The following GNS variants were observed in gnomAD, a reference collection of about 807,000 sequenced individuals.
GNS encodes glucosamine (N-acetyl)-6-sulfatase, also known as N-acetylglucosamine-6-sulfatase.
In GNS, 40 loss-of-function variants were observed where a neutral mutation model predicts 69.7. The observed-to-expected ratio is 0.57, with a 90% CI of 0.45 to 0.75. The LOEUF is 0.75. Ranked by LOEUF, GNS falls within the 30% of genes least tolerant of loss-of-function variation. The pLI, the probability that GNS is intolerant of heterozygous loss-of-function variation, is 0.00. For synonymous variants in GNS, 243 were observed against 251.6 expected (o/e 0.97, Z 0.32); for missense variants, 565 against 685.5 (o/e 0.82, Z 1.96).
At chr12:64,728,384 C>G (rs1565882300) in intron 10 of GNS, among the ~76,000 whole-genome samples, 2 of 152,226 alleles carry the variant, frequency 1.3e-5, no homozygotes, top group Non-Finnish European at 2.9e-5. Flanking sequence ...GACATGTGTT[C>G]TCTGAAGTGG....
intron 1 of GNS, among the ~76,000 whole-genome samples, chr12:64,756,994 C>T (rs1870272135): frequency 6.6e-6 from 1 of 152,140 alleles, no homozygotes; most frequent in African/African-American, 2.4e-5. Flanking sequence ...ACTTGGGCAA[C>T]ATGGAGAAAT....
At chr12:64,751,761 C>A (rs186736960) in intron 2 of GNS, among the ~76,000 whole-genome samples, 77 of 151,778 alleles carry the variant, frequency 5.1e-4, no homozygotes, top group African/African-American at 1.8e-3. Context: ...CCGAGGCGGG[C>A]AGATCACTTG....
In GNS at chr12:64,714,786, A is replaced by T. The variant is rs1445909787; in HGVS notation, c.*1955T>A. Reference sequence around the variant, plus strand: ...CTATGGTCAACTTTCATTAATGTGGAAGTTGACTGATAATGTTAAGAGTCA... The same window carrying T: ...CTATGGTCAACTTTCATTAATGTGGTAGTTGACTGATAATGTTAAGAGTCA... On this transcript the variant is annotated 3_prime_UTR_variant, in exon 14 of 14. Transcript: ENST00000258145. The T allele has an allele frequency of 6.6e-6, 1 of 152,444 alleles. No homozygotes were observed. Among genetic ancestry groups the T allele is most frequent in the Non-Finnish European group, 1.5e-5 (1 of 68,038 alleles). 9.4% of individuals were successfully genotyped at this position (152,444 alleles called of 1,614,324 possible).
chr12:64,742,071 A>G (rs1869755755), intron 6 of GNS, among the ~76,000 whole-genome samples: 1 of 151,974 alleles, frequency 6.6e-6, no homozygotes, highest in African/African-American at 2.4e-5. Flanking sequence ...CCCAGGCTGG[A>G]GTGCAGTGGT....
chr12:64,752,288 A>C (rs1337308891), intron 2 of GNS, among the ~76,000 whole-genome samples: 1 of 152,216 alleles, frequency 6.6e-6, no homozygotes, highest in Non-Finnish European at 1.5e-5. Context: ...ATGGTTCTTG[A>C]AAATGAATTG....
intron 10 of GNS, among the ~76,000 whole-genome samples, chr12:64,728,100 T>C (rs1412742719): frequency 2.6e-5 from 4 of 152,114 alleles, no homozygotes; most frequent in Non-Finnish European, 5.9e-5. Flanking sequence ...GTTTTTTGTA[T>C]TTTTAGTAGA....
In GNS at chr12:64,747,859, T is replaced by C. The variant is rs376950204; in HGVS notation, c.312A>G (p.Pro104=). 3 of 1,610,884 alleles carry C rather than the reference T, an allele frequency of 1.9e-6. No individual in the cohort carries two copies. The highest frequency in any genetic ancestry group is 2.5e-6 in the Non-Finnish European group (3 of 1,177,166). ...TGTTGTTCACAACGTGATGATTATG[T>C]GGGTACTTTCCTGTCAGGATACTGG... The part of the protein sequence containing the change: ...SRASILTGKY[P]HNHHVVNNTL... The change falls in exon 3 of 14, where the codon CCA becomes CCG. Residue 104 remains proline, a synonymous_variant. Coordinates refer to ENST00000258145, the MANE Select transcript of GNS (RefSeq NM_002076.4).
chr12:64,757,570 G>A (rs1369769371), intron 1 of GNS, among the ~76,000 whole-genome samples: 4 of 152,156 alleles, frequency 2.6e-5, no homozygotes, highest in African/African-American at 9.7e-5. Flanking sequence ...ATATATGGCA[G>A]GAAGAAATGT....
rs778325313 is a variant in GNS, at chr12:64,745,744, G to C, written c.460-20C>G. On this transcript the variant is annotated intron_variant, in intron 3 of 13. Transcript: ENST00000258145. ...TCCGTACTGAAAAGCAAAACAAGTA[G>C]GGACAATTACAAGTCCTTAGATATG... 2.0e-6 allele frequency: 3 copies of C among 1,513,944 alleles called. No homozygotes were observed. Among genetic ancestry groups the C allele is most frequent in the East Asian group, 2.3e-5 (1 of 44,406 alleles). 93.8% of individuals were successfully genotyped at this position (1,513,944 alleles called of 1,614,324 possible). A position where few individuals can be genotyped will look rare whatever the true frequency, so the allele number is the denominator to read the frequency against.
rs1379598199 is a variant in GNS, at chr12:64,754,092, T to G, written c.193-1335A>C. The stretch of plus-strand genomic sequence containing the variant: ...AAATATGTAAAATTATGAAAGAATA[T>G]CTGATTTACAGTAAGACTGTGTAAT... On this transcript the variant is annotated intron_variant, in intron 1 of 13. Coordinates refer to ENST00000258145, the MANE Select transcript of GNS (RefSeq NM_002076.4). 2.6e-5 allele frequency among the ~76,000 whole-genome samples: 4 copies of G among 152,324 alleles called. No individual in the cohort carries two copies. The East Asian group carries it at 7.7e-4, about 29-fold the overall frequency.
chr12:64,756,550 G>A, intron 1 of GNS: 1 of 581,662 alleles, frequency 1.7e-6, no homozygotes, highest in Non-Finnish European at 3.0e-6. Context: ...TTAGCTATAT[G>A]AACTTAGTCA....
At chr12:64,722,755 G>T in intron 11 of GNS, 1 of 463,792 alleles carries the variant, frequency 2.2e-6, no homozygotes. Context: ...AAGAGGAATT[G>T]ATAAGAACAC....
At chr12:64,749,872 A>C (rs1011812386) in intron 2 of GNS, among the ~76,000 whole-genome samples, 2 of 131,256 alleles carry the variant, frequency 1.5e-5, no homozygotes, top group African/African-American at 6.0e-5. Context: ...CTGGTAGAGC[A>C]ATTTTTTTTT....
chr12:64,716,586 A>C lies in GNS; in HGVS notation c.*155T>G. On this transcript the variant is annotated 3_prime_UTR_variant, in exon 14 of 14. Coordinates refer to ENST00000258145, the MANE Select transcript of GNS (RefSeq NM_002076.4). Reference sequence around the variant, plus strand: ...CACAGTTTAACACATTGCACGAGGAAGTCAGCTGACTGGGTTGCTTTTTCA... The same window carrying C: ...CACAGTTTAACACATTGCACGAGGACGTCAGCTGACTGGGTTGCTTTTTCA... The C allele has an allele frequency of 2.9e-6, 2 of 681,798 alleles. No homozygotes were observed. The highest frequency in any genetic ancestry group is 5.4e-6 in the Non-Finnish European group (2 of 370,516). The allele number at this position is 681,798 out of a possible 1,614,324, so 42.2% of individuals were successfully genotyped here.
intron 8 of GNS, among the ~76,000 whole-genome samples, chr12:64,738,327 T>C (rs890544600): frequency 6.6e-6 from 1 of 152,178 alleles, no homozygotes; most frequent in African/African-American, 2.4e-5. Flanking sequence ...TCTTGATACA[T>C]AATAACCAGA....
At chr12:64,740,534 G>T in intron 7 of GNS, 72 bp downstream of exon 7, 1 of 829,536 alleles carries the variant, frequency 1.2e-6, no homozygotes, top group Non-Finnish European at 2.2e-6. Flanking sequence ...AATGTGGTGT[G>T]GTCTCCTCTT....
intron 9 of GNS, among the ~76,000 whole-genome samples, chr12:64,731,597 A>C (rs1473084827): frequency 1.3e-5 from 2 of 152,218 alleles, no homozygotes; most frequent in African/African-American, 4.8e-5. Flanking sequence ...CAAAATTAGC[A>C]TACTATATCA....
intron 1 of GNS, among the ~76,000 whole-genome samples, chr12:64,753,521 G>T (rs1870146648): frequency 6.6e-6 from 1 of 152,160 alleles, no homozygotes; most frequent in Admixed American, 6.5e-5. Flanking sequence ...CACCATTGAA[G>T]AGGTCATTTT....
rs1477851435 is a variant in GNS at position 64,715,810 on chromosome 12, C to A, written c.*931G>T. The A allele has an allele frequency of 6.6e-6, 1 of 152,190 alleles. No individual in the cohort carries two copies. The highest frequency in any genetic ancestry group is 2.4e-5 in the African/African-American group (1 of 41,464). The allele number at this position is 152,190 out of a possible 1,614,324, so 9.4% of individuals were successfully genotyped here. Reference sequence around the variant, plus strand: ...TGGACAGGCACTTCTTTCCTTTATCCCTGGTACAGCCCTTCCACTTGTCTG... The same window carrying A: ...TGGACAGGCACTTCTTTCCTTTATCACTGGTACAGCCCTTCCACTTGTCTG... On this transcript the variant is annotated 3_prime_UTR_variant, in exon 14 of 14. Coordinates refer to ENST00000258145, the MANE Select transcript of GNS (RefSeq NM_002076.4).
Sources: allele counts gnomAD v4.1 joint callset (sites outside exome capture counted in the v4.1 genomes callset), GRCh38; gene constraint gnomAD v4.1.1; transcripts MANE v1.5; gene names NCBI Gene and HGNC (gene_info 2026-07-23, HGNC 2026-07-21).